CD96: variants seen among roughly 807,000 people sequenced by gnomAD.
The protein encoded by CD96 is T-cell surface protein tactile.
Under a neutral mutation model 71.3 loss-of-function variants are expected in CD96, and 70 were observed. The observed-to-expected ratio is 0.98, with a 90% CI of 0.81 to 1.20. The LOEUF is 1.20. Ranked by LOEUF, CD96 falls within the 50% of genes most tolerant of loss-of-function variation. The probability of loss-of-function intolerance (pLI) is 0.00; values close to 1 mark genes in which losing one functional copy is unlikely to be tolerated. For synonymous variants in CD96, 248 were observed against 233.0 expected (o/e 1.06, Z -0.59); for missense variants, 742 against 677.5 (o/e 1.10, Z -1.06).
At chr3:111,664,454 A>C (rs374871369) in intron 14 of CD96, among the ~76,000 whole-genome samples, 66 of 152,334 alleles carry the variant, frequency 4.3e-4, no homozygotes, top group African/African-American at 1.5e-3. Flanking sequence ...TGGGAGCTAA[A>C]CATTTAGCAC....
intron 8 of CD96, among the ~76,000 whole-genome samples, chr3:111,618,474 T>C (rs866792887): frequency 1.3e-5 from 2 of 152,112 alleles, no homozygotes; most frequent in Admixed American, 6.5e-5. Flanking sequence ...AGAAGAAATG[T>C]CATGATTAAG....
chr3:111,603,236 G>A (rs1011213554), intron 7 of CD96, among the ~76,000 whole-genome samples: 1 of 152,148 alleles, frequency 6.6e-6, no homozygotes, highest in Non-Finnish European at 1.5e-5. Flanking sequence ...AAGTGCAGAA[G>A]TTCAAGATCA....
chr3:111,638,984 C>T (rs1939466983), intron 12 of CD96, among the ~76,000 whole-genome samples: 2 of 152,114 alleles, frequency 1.3e-5, no homozygotes, highest in Non-Finnish European at 2.9e-5. Context: ...AAAATATAGG[C>T]ATTGATGTAA....
chr3:111,567,485 A>G (rs1224818546), intron 2 of CD96, 38 bp from the exon 3 acceptor site: 2 of 1,575,832 alleles, frequency 1.3e-6, no homozygotes, highest in South Asian at 2.2e-5. Context: ...CAAACCAATC[A>G]GAGATTCACA....
chr3:111,600,977 C>G, intron 7 of CD96, 63 bp downstream of exon 7: 1 of 1,027,000 alleles, frequency 9.7e-7, no homozygotes. Flanking sequence ...TTCAAAATAT[C>G]TTTAATGGGA....
chr3:111,609,736 C>A (rs1937812002), intron 8 of CD96, among the ~76,000 whole-genome samples: 1 of 152,222 alleles, frequency 6.6e-6, no homozygotes, highest in Admixed American at 6.5e-5. Context: ...TCTACTATCA[C>A]ACTAAGACGA....
chr3:111,545,360 G>A lies in CD96; in HGVS notation c.376G>A (p.Gly126Ser). The change falls in exon 2 of 14, where the codon GGC becomes AGC. Residue 126 changes from glycine to serine, a missense_variant. Gly to Ser is a moderately conservative substitution (Grantham distance 56). Transcript: ENST00000352690. ...GTGTATGCTTGTTCTGTATCCAGAG[G>A]GCATTCAGACTAAAATCTACAACCT... ...YECMLVLYPE[G>S]IQTKIYNLLI... The A allele has an allele frequency of 6.2e-7, 1 of 1,613,388 alleles. No individual in the cohort carries two copies. The highest frequency in any genetic ancestry group is 1.1e-5 in the South Asian group (1 of 91,056).
At chr3:111,577,364 A>T in intron 3 of CD96, 1 of 758,232 alleles carries the variant, frequency 1.3e-6, no homozygotes, top group Non-Finnish European at 2.4e-6. Flanking sequence ...TTAATTATTG[A>T]CCTCCAGACT....
chr3:111,639,941 A>G (rs1306864032), intron 12 of CD96, among the ~76,000 whole-genome samples: 2 of 152,206 alleles, frequency 1.3e-5, no homozygotes, highest in African/African-American at 4.8e-5. Context: ...GAGCGTCTAC[A>G]TCAAGGGAAC....
intron 8 of CD96, among the ~76,000 whole-genome samples, chr3:111,608,886 C>A (rs909568152): frequency 6.6e-6 from 1 of 152,110 alleles, no homozygotes; most frequent in African/African-American, 2.4e-5. Context: ...TTGCAGTCTA[C>A]TTGGAAGAGA....
chr3:111,599,130 G>A (rs1301398008), intron 6 of CD96, among the ~76,000 whole-genome samples: 6 of 151,696 alleles, frequency 4.0e-5, no homozygotes, highest in South Asian at 2.1e-4. Context: ...CACTACGCCC[G>A]GCTAATTTTT....
At chr3:111,547,250 T>G (rs988513190) in intron 2 of CD96, among the ~76,000 whole-genome samples, 3 of 152,218 alleles carry the variant, frequency 2.0e-5, no homozygotes, top group African/African-American at 7.2e-5. Context: ...AATGGTAGTT[T>G]TCAATTAAGA....
intron 13 of CD96, 142 bp from the exon 14 acceptor site, chr3:111,649,555 CA>C (rs1939983784): frequency 1.4e-6 from 1 of 714,228 alleles, no homozygotes; most frequent in Non-Finnish European, 2.6e-6. Context: ...GTTATGCCAG[CA>C]AAAATGCTGA....
intron 3 of CD96, among the ~76,000 whole-genome samples, chr3:111,574,623 T>C (rs758842925): frequency 6.6e-6 from 1 of 152,216 alleles, no homozygotes; most frequent in Non-Finnish European, 1.5e-5. Context: ...ATCATGCTAA[T>C]TATTTTATCA....
chr3:111,582,573 T>C (rs1190785273), intron 4 of CD96, among the ~76,000 whole-genome samples: 3 of 152,210 alleles, frequency 2.0e-5, no homozygotes, highest in Admixed American at 2.0e-4. Flanking sequence ...GCTGCATTAG[T>C]TCATTTTCAT....
At chr3:111,584,241 A>G (rs1576349037) in intron 4 of CD96, among the ~76,000 whole-genome samples, 1 of 152,254 alleles carries the variant, frequency 6.6e-6, no homozygotes, top group East Asian at 1.9e-4. Flanking sequence ...CAAGTTCCTC[A>G]TCTCTATCTG....
chr3:111,662,959 T>G (rs1940392491), intron 14 of CD96, among the ~76,000 whole-genome samples: 2 of 152,214 alleles, frequency 1.3e-5, no homozygotes, highest in South Asian at 4.1e-4. Flanking sequence ...TATTAGTCCA[T>G]TCTCACACTG....
chr3:111,655,719 T>C (rs1450357714), downstream of CD96, among the ~76,000 whole-genome samples: 2 of 152,136 alleles, frequency 1.3e-5, no homozygotes, highest in African/African-American at 2.4e-5. Flanking sequence ...ATAATCTCCA[T>C]AGCTGTTTAA....
chr3:111,611,070 C>T (rs544015348), intron 8 of CD96, among the ~76,000 whole-genome samples: 2 of 152,288 alleles, frequency 1.3e-5, no homozygotes, highest in East Asian at 1.9e-4. Flanking sequence ...CCATCAGTCC[C>T]TTTGGCTCTG....
Sources: allele counts gnomAD v4.1 joint callset (sites outside exome capture counted in the v4.1 genomes callset), GRCh38; gene constraint gnomAD v4.1.1; transcripts MANE v1.5; gene names NCBI Gene and HGNC (gene_info 2026-07-23, HGNC 2026-07-21).